The following ANXA4 variants were observed in gnomAD, a reference collection of about 807,000 sequenced individuals.
The protein encoded by ANXA4 is annexin A4.
Under a neutral mutation model 49.8 loss-of-function variants are expected in ANXA4, and 39 were observed. That is an observed-to-expected ratio of 0.78 (90% CI 0.61 to 1.02). The LOEUF (loss-of-function observed/expected upper bound fraction) is 1.02. Ranked by LOEUF, ANXA4 falls within the 50% of genes least tolerant of loss-of-function variation. The probability of loss-of-function intolerance (pLI) is 0.00; values close to 1 mark genes in which losing one functional copy is unlikely to be tolerated. For missense variants in ANXA4, 360 were observed against 410.1 expected (o/e 0.88, Z 1.05); for synonymous variants, 134 against 152.5 (o/e 0.88, Z 0.89).
At chr2:69,808,189 G>C in intron 6 of ANXA4, 193 bp downstream of exon 6, 1 of 571,702 alleles carries the variant, frequency 1.7e-6, no homozygotes, top group Non-Finnish European at 3.1e-6. Context: ...AGATTTCTCA[G>C]GTGAAGATGA....
intron 3 of ANXA4, among the ~76,000 whole-genome samples, chr2:69,735,561 G>T (rs889610049): frequency 6.6e-6 from 1 of 151,862 alleles, no homozygotes; most frequent in African/African-American, 2.4e-5. Flanking sequence ...AGCAGTATGA[G>T]CTTTGGACTC....
intron 3 of ANXA4, chr2:69,803,276 T>A (rs924682866): frequency 3.9e-5 from 6 of 152,054 alleles, no homozygotes; most frequent in African/African-American, 1.2e-4. Context: ...ACACCTCACA[T>A]CTTTTTGCAT....
chr2:69,762,884 T>C (rs887284858), intron 1 of ANXA4, among the ~76,000 whole-genome samples: 14 of 151,838 alleles, frequency 9.2e-5, no homozygotes, highest in African/African-American at 3.4e-4. Flanking sequence ...CACACACTCA[T>C]ACTCACTCAC....
At chr2:69,648,763 G>A (rs1676102871) in intron 1 of ANXA4, among the ~76,000 whole-genome samples, 1 of 143,426 alleles carries the variant, frequency 7.0e-6, no homozygotes, top group African/African-American at 2.6e-5. Flanking sequence ...GGAGCTTGCA[G>A]TGAGCCGAGA....
intron 1 of ANXA4, among the ~76,000 whole-genome samples, chr2:69,647,765 C>G (rs1485187448): frequency 6.6e-6 from 1 of 152,064 alleles, no homozygotes; most frequent in African/African-American, 2.4e-5. Context: ...CTTTGTTGCC[C>G]AGGCTGACCT....
intron 2 of ANXA4, among the ~76,000 whole-genome samples, chr2:69,688,633 C>T (rs1484524150): frequency 6.6e-6 from 1 of 152,178 alleles, no homozygotes; most frequent in East Asian, 1.9e-4. Context: ...AATGAGTTGG[C>T]TCCCAAGCAT....
intron 2 of ANXA4, 38 bp downstream of exon 2, chr2:69,781,612 C>A (rs748596482): frequency 6.2e-7 from 1 of 1,613,064 alleles, no homozygotes; most frequent in East Asian, 2.2e-5. Flanking sequence ...CTGGTGCCAG[C>A]TGCCAACAGG....
At chr2:69,648,064 G>C (rs1250769914) in intron 1 of ANXA4, among the ~76,000 whole-genome samples, 1 of 152,180 alleles carries the variant, frequency 6.6e-6, no homozygotes, top group African/African-American at 2.4e-5. Flanking sequence ...CATAAACCCA[G>C]TGTGCTGTAT....
intron 9 of ANXA4, chr2:69,818,019 A>G (rs1458585630): frequency 6.6e-6 from 1 of 152,276 alleles, no homozygotes; most frequent in African/African-American, 2.4e-5. Flanking sequence ...AAAGAAGGCG[A>G]TGGTGAGAAG....
intron 3 of ANXA4, among the ~76,000 whole-genome samples, chr2:69,793,176 A>T (rs887506975): frequency 1.3e-5 from 2 of 151,542 alleles, no homozygotes; most frequent in Admixed American, 1.3e-4. Flanking sequence ...CACTTGAACC[A>T]GGGAGTCAGA....
At chr2:69,750,102 T>A (rs1670778067) in intron 1 of ANXA4, among the ~76,000 whole-genome samples, 1 of 152,188 alleles carries the variant, frequency 6.6e-6, no homozygotes, top group African/African-American at 2.4e-5. Context: ...GTTATGTTTA[T>A]GTATTACCAA....
intron 2 of ANXA4, among the ~76,000 whole-genome samples, chr2:69,661,482 G>GA (rs141339759): frequency 0.072 from 10,748 of 148,740 alleles, 1,112 homozygotes; most frequent in East Asian, 0.37. Flanking sequence ...CAGATCTACC[G>GA]AAAAAAAAAA....
At chr2:69,682,243 CTCCCCTCTTAGCACTG>C (rs1190822700) in intron 2 of ANXA4, among the ~76,000 whole-genome samples, 1 of 152,154 alleles carries the variant, frequency 6.6e-6, no homozygotes, top group Non-Finnish European at 1.5e-5. Flanking sequence ...TTGATATAAA[CTCCCCTCTTAGCACTG>C]CTTTTGCTGT....
chr2:69,757,258 ATATATATATTT>A (rs1188851825), intron 1 of ANXA4, among the ~76,000 whole-genome samples: 125 of 42,844 alleles, frequency 2.9e-3, no homozygotes, highest in East Asian at 0.014. Context: ...ATATATATAT[ATATATATATTT>A]TTTTTTTTTT....
intron 2 of ANXA4, among the ~76,000 whole-genome samples, chr2:69,702,608 G>A (rs1412256764): frequency 6.6e-6 from 1 of 152,056 alleles, no homozygotes; most frequent in East Asian, 1.9e-4. Flanking sequence ...CAGCTACTCG[G>A]GAGGCTGAGG....
At chr2:69,810,365 A>G (rs1673644995) in intron 6 of ANXA4, 1 of 490,568 alleles carries the variant, frequency 2.0e-6, no homozygotes, top group East Asian at 3.7e-5. Context: ...ATGAGACTCC[A>G]TCTCAAAAGA....
intron 1 of ANXA4, among the ~76,000 whole-genome samples, chr2:69,762,863 T>TCA (rs35562076): frequency 0.57 from 85,500 of 150,538 alleles, 25,455 homozygotes; most frequent in East Asian, 0.81. Context: ...ACACACTCAC[T>TCA]CACACACTCA....
At chr2:69,779,360 C>T (rs962039290) in intron 1 of ANXA4, among the ~76,000 whole-genome samples, 22 of 152,136 alleles carry the variant, frequency 1.4e-4, no homozygotes, top group African/African-American at 5.3e-4. Context: ...TTATCCACTG[C>T]ATTATCTCTA....
chr2:69,791,428 T>C (rs1381023975), intron 3 of ANXA4, among the ~76,000 whole-genome samples: 1 of 152,252 alleles, frequency 6.6e-6, no homozygotes, highest in East Asian at 1.9e-4. Flanking sequence ...TATATTGTTG[T>C]AATTTAAGAA....
Sources: gnomAD v4.1 joint callset for allele counts (sites outside exome capture counted in the v4.1 genomes callset) on GRCh38, gnomAD v4.1.1 for gene constraint, MANE v1.5 for transcripts, NCBI Gene and HGNC (gene_info 2026-07-23, HGNC 2026-07-21) for gene names.